IP6K1: variants seen among roughly 807,000 people sequenced by gnomAD.
IP6K1 encodes ATP:1D-myo-inositol-hexakisphosphate phosphotransferase.
Under a neutral mutation model 38.3 loss-of-function variants are expected in IP6K1, and 13 were observed. That is an observed-to-expected ratio of 0.34 (90% CI 0.22 to 0.54). IP6K1 has a LOEUF of 0.54. Among genes scored for constraint, IP6K1 ranks in the 20% least tolerant of loss-of-function variants. IP6K1 has a pLI of 0.92. For synonymous variants in IP6K1, 212 were observed against 229.9 expected, an observed-to-expected ratio of 0.92 and a Z score of 0.70; for missense variants, 397 against 599.8, an observed-to-expected ratio of 0.66 and a Z score of 3.53.
intron 1 of IP6K1, among the ~76,000 whole-genome samples, chr3:49,769,232 G>A (rs1465073245): frequency 6.6e-6 from 1 of 152,110 alleles, no homozygotes; most frequent in Non-Finnish European, 1.5e-5. Context: ...CAACCATAAT[G>A]GCAGGAGACT....
chr3:49,779,847 G>A (rs2081049905), intron 1 of IP6K1, among the ~76,000 whole-genome samples: 1 of 151,990 alleles, frequency 6.6e-6, no homozygotes, highest in Admixed American at 6.6e-5. Flanking sequence ...CACTATGCTC[G>A]TTTAACTTTT....
Position 49,727,968 on chromosome 3 carries a change from G to T in IP6K1, c.792+135C>A. ...AGACTCTCACAGTGGTCCTGCACCT[G>T]AGGCCCATATCAAAGTCAACAGGTA... On this transcript the variant is annotated intron_variant, in intron 5 of 5. Coordinates refer to ENST00000321599, the MANE Select transcript of IP6K1 (RefSeq NM_153273.4). The surrounding 1 kb of genome is among the most constrained non-coding windows in gnomAD (Gnocchi z 5.9). The T allele has an allele frequency of 1.2e-6, 1 of 836,582 alleles. No homozygotes were observed. Among genetic ancestry groups the T allele is most frequent in the Non-Finnish European group, 1.9e-6 (1 of 523,512 alleles). The allele number at this position is 836,582 out of a possible 1,614,324, so 51.8% of individuals were successfully genotyped here.
intron 1 of IP6K1, among the ~76,000 whole-genome samples, chr3:49,780,494 A>G (rs1422308069): frequency 6.6e-6 from 1 of 152,176 alleles, no homozygotes; most frequent in Non-Finnish European, 1.5e-5. Flanking sequence ...GTCAGAAACA[A>G]GAGTGTACTG....
At chr3:49,774,915 A>T (rs541851312) in intron 1 of IP6K1, among the ~76,000 whole-genome samples, 162 of 152,308 alleles carry the variant, frequency 1.1e-3, no homozygotes, top group Non-Finnish European at 1.6e-3. Flanking sequence ...AGCCAGTAGA[A>T]GATGATCTAG....
At chr3:49,784,986 G>C (rs2081099207) in intron 1 of IP6K1, among the ~76,000 whole-genome samples, 1 of 152,016 alleles carries the variant, frequency 6.6e-6, no homozygotes, top group South Asian at 2.1e-4. Flanking sequence ...AGTGCACAAA[G>C]TATTGTCGCT....
chr3:49,752,525 A>ATGTGTGTG (rs372243529), intron 1 of IP6K1, among the ~76,000 whole-genome samples: 1 of 146,168 alleles, frequency 6.8e-6, no homozygotes, highest in African/African-American at 2.5e-5. Context: ...TCACTTTTGC[A>ATGTGTGTG]TGTGTGTGTG....
chr3:49,725,523 C>T lies in IP6K1; in HGVS notation c.*1599G>A, dbSNP rs2080491786. The T allele has an allele frequency of 2.6e-5, 4 of 152,552 alleles. No homozygotes were observed. The highest frequency in any genetic ancestry group is 9.6e-5 in the African/African-American group (4 of 41,460). The allele number at this position is 152,552 out of a possible 1,614,324, so 9.4% of individuals were successfully genotyped here. ...CTTAAGAGGCTGCATCTTTAAGGAC[C>T]AGGAAATGAGTCCATCAGTTACCAA... On this transcript the variant is annotated 3_prime_UTR_variant, in exon 6 of 6. Transcript: ENST00000321599.
intron 2 of IP6K1, among the ~76,000 whole-genome samples, chr3:49,743,219 CAAAACA>C (rs143165293): frequency 0.02 from 2,872 of 144,276 alleles, 53 homozygotes; most frequent in East Asian, 0.06. Flanking sequence ...GACCCTATCT[CAAAACA>C]AAAACAAAAA....
intron 2 of IP6K1, among the ~76,000 whole-genome samples, chr3:49,743,650 A>C (rs1575310875): frequency 3.3e-5 from 4 of 119,708 alleles, no homozygotes; most frequent in East Asian, 2.3e-4. Flanking sequence ...CAAGAGTTTC[A>C]CTCTTGTTGC....
At chr3:49,728,822 G>A (rs2080536550) in intron 4 of IP6K1, among the ~76,000 whole-genome samples, 1 of 152,056 alleles carries the variant, frequency 6.6e-6, no homozygotes, top group Non-Finnish European at 1.5e-5. Context: ...TGATTCGCCT[G>A]CCTCAGCCTC....
intron 2 of IP6K1, among the ~76,000 whole-genome samples, chr3:49,746,669 CAAA>C (rs35749020): frequency 1.9e-5 from 2 of 105,546 alleles, no homozygotes; most frequent in Non-Finnish European, 2.0e-5. Context: ...GAGAAACTCT[CAAA>C]AAAAAAAAAA....
intron 1 of IP6K1, among the ~76,000 whole-genome samples, chr3:49,766,128 A>T (rs564492116): frequency 6.6e-6 from 1 of 152,228 alleles, no homozygotes; most frequent in African/African-American, 2.4e-5. Context: ...GTGAGCCGAG[A>T]TTGCACCACT....
chr3:49,766,958 C>CAAA (rs144308874), intron 1 of IP6K1, among the ~76,000 whole-genome samples: 194 of 55,410 alleles, frequency 3.5e-3, no homozygotes, highest in Middle Eastern at 0.016. Context: ...GACTCCGTCT[C>CAAA]AAAAAAAAAA....
At position 49,726,688 on chromosome 3, in the gene IP6K1, C is replaced by T. The variant is rs1308412975; in HGVS notation, c.*434G>A. 4.7e-6 allele frequency: 1 copy of T among 214,156 alleles called. No homozygotes were observed. Among genetic ancestry groups the T allele is most frequent in the African/African-American group, 2.3e-5 (1 of 43,820 alleles). 13.3% of individuals were successfully genotyped at this position (214,156 alleles called of 1,614,324 possible). A position where few individuals can be genotyped will look rare whatever the true frequency, so the allele number is the denominator to read the frequency against. On this transcript the variant is annotated 3_prime_UTR_variant, in exon 6 of 6. Transcript: ENST00000321599. ...TGGAAAGCCCCCAAGAAATGGGCAC[C>T]CAGAGCCCTCTACTTCTGGGGAACA... is the stretch of plus-strand genomic sequence containing the variant.
intron 3 of IP6K1, among the ~76,000 whole-genome samples, chr3:49,736,935 C>G (rs1347262720): frequency 6.6e-6 from 1 of 151,832 alleles, no homozygotes; most frequent in East Asian, 1.9e-4. Flanking sequence ...CCATGCCCGG[C>G]TAATTTTTTT....
At chr3:49,731,919 C>T (rs969534579) in intron 4 of IP6K1, among the ~76,000 whole-genome samples, 7 of 90,502 alleles carry the variant, frequency 7.7e-5, no homozygotes, top group African/African-American at 2.4e-4. Context: ...ATTCCTATGC[C>T]ATAATACTTT....
At position 49,774,325 on chromosome 3, in the gene IP6K1, G is replaced by A. The variant is rs1272336932; in HGVS notation, c.-129+12029C>T. On this transcript the variant is annotated intron_variant, in intron 1 of 5. Coordinates refer to ENST00000321599, the MANE Select transcript of IP6K1 (RefSeq NM_153273.4). ...CGAGAAGCTGAGGCAGGAGAATGGC[G>A]TGAACCCAGGAGGTGGAGCTTGCAG... 3.4e-5 allele frequency among the ~76,000 whole-genome samples: 5 copies of A among 146,108 alleles called. 1 individual carries two copies. The South Asian group carries it at 1.1e-3, about 31-fold the overall frequency.
rs756392946 is a variant in IP6K1 at position 49,728,244 on chromosome 3, G to A, written c.651C>T (p.Phe217=). 48 of 1,613,994 alleles carry A rather than the reference G, an allele frequency of 3.0e-5. No homozygotes were observed. The Admixed American group carries it at 3.3e-4, about 11-fold the overall frequency. ...FLLLENVVHH[F]KYPCVLDLKM... is the part of the protein sequence containing the mutation. ...TCAGGTCCAACACGCAGGGGTACTT[G>A]AAGTGGTGCACCACGTTCTCAAGCA... The change falls in exon 5 of 6, where the codon TTC becomes TTT. Residue 217 remains phenylalanine (F), a synonymous_variant. Transcript: ENST00000321599.
intron 2 of IP6K1, among the ~76,000 whole-genome samples, chr3:49,743,871 C>T (rs1204166797): frequency 4.6e-5 from 7 of 151,512 alleles, no homozygotes; most frequent in African/African-American, 1.2e-4. Context: ...CCGCCTGCCT[C>T]GGCCTCCCAA....
Sources: gnomAD v4.1 joint callset for allele counts (sites outside exome capture counted in the v4.1 genomes callset) on GRCh38, gnomAD v4.1.1 for gene constraint, Gnocchi (gnomAD v3.1) non-coding constraint, MANE v1.5 for transcripts, NCBI Gene and HGNC (gene_info 2026-07-23, HGNC 2026-07-21) for gene names.